Variants in PPP4C observed in about 807,000 individuals in gnomAD.
PPP4C encodes serine/threonine-protein phosphatase 4 catalytic subunit.
Under a neutral mutation model 40.5 loss-of-function variants are expected in PPP4C, and 10 were observed. The observed-to-expected ratio is 0.25, with a 90% confidence interval of 0.15 to 0.42. The LOEUF (loss-of-function observed/expected upper bound fraction) is 0.42. Ranked by LOEUF, PPP4C falls within the 10% of genes least tolerant of loss-of-function variation. The probability of loss-of-function intolerance (pLI) is 1.00; values close to 1 mark genes in which losing one functional copy is unlikely to be tolerated. For synonymous variants in PPP4C, 187 were observed against 163.6 expected, an observed-to-expected ratio of 1.14 and a Z score of -1.09; for missense variants, 191 against 416.4, an observed-to-expected ratio of 0.46 and a Z score of 4.71.
chr16:30,083,175 C>T lies in PPP4C; in HGVS notation c.304-219C>T, dbSNP rs771893802. On this transcript the variant is annotated intron_variant, in intron 5 of 8. Coordinates refer to ENST00000279387, the MANE Select transcript of PPP4C (RefSeq NM_002720.3). The surrounding 1 kb of genome is among the most constrained non-coding windows in gnomAD (Gnocchi z 6.3). ...TGTGTCTGGTAGGTGAAAGAAGAGC[C>T]ATTAGGTTCATAGTTGAGGGAATGG... The T allele has an allele frequency of 3.2e-5, 20 of 619,272 alleles. No homozygotes were observed. Among genetic ancestry groups the T allele is most frequent in the Non-Finnish European group, 4.8e-5 (17 of 353,632 alleles). 38.4% of individuals were successfully genotyped at this position (619,272 alleles called of 1,614,324 possible).
In PPP4C at chr16:30,084,853, C is replaced by T. The variant is rs2072588638; in HGVS notation, c.792C>T (p.Tyr264=). The T allele has an allele frequency of 4.3e-6, 7 of 1,614,002 alleles. No homozygotes were observed. The highest frequency in any genetic ancestry group is 5.1e-6 in the Non-Finnish European group (6 of 1,179,936). Residue 264 remains tyrosine, a splice_region_variant and synonymous_variant, in exon 8 of 9, where the codon TAC becomes TAT. Transcript: ENST00000279387. ...TGTGGTCGGCACCCAACTACTGCTA[C>T]CGGTGAGCCGGCTGGGCCGGGCTGG... ...LTVWSAPNYC[Y]RCGNVAAILE...
chr16:30,076,390 A>G lies in PPP4C; in HGVS notation c.13A>G (p.Ser5Gly), dbSNP rs1477781465. 4 of 1,612,924 alleles carry G rather than the reference A, an allele frequency of 2.5e-6. No individual in the cohort carries two copies. The highest frequency in any genetic ancestry group is 1.7e-5 in the Admixed American group (1 of 59,988). ...CCGGGGGTGGGCCATGGCGGAGATC[A>G]GCGACCTGGACCGGCAGATCGAGCA... MAEISDLDRQIEQLR... is the reference protein window; with the variant it reads MAEIGDLDRQIEQLR... Residue 5 changes from serine (S) to glycine (G), a missense_variant, in exon 2 of 9, where the codon AGC (serine) becomes GGC (glycine). Around this residue, in one of 3 missense-constraint regions of PPP4C, gnomAD observed 171 missense variants for 352.4 expected, o/e 0.49. Transcript: ENST00000279387.
intron 7 of PPP4C, 68 bp from the exon 8 acceptor site, chr16:30,084,598 C>A: frequency 6.7e-7 from 1 of 1,483,722 alleles, no homozygotes; most frequent in African/African-American, 1.4e-5. Context: ...TGCTCACCCT[C>A]AAGGGGCAGC....
At chr16:30,081,103 G>C in intron 2 of PPP4C, 156 bp from the exon 3 acceptor site, 1 of 963,642 alleles carries the variant, frequency 1.0e-6, no homozygotes, top group Non-Finnish European at 1.6e-6. Flanking sequence ...GCATGCTGAA[G>C]GGCCGTGGTC....
At position 30,083,382 on chromosome 16, in the gene PPP4C, G is replaced by T. The variant is rs1292249537; in HGVS notation, c.304-12G>T. ...GTCTAGGCGCCAGCCCTGGCTTGGT[G>T]GCCACCCCCAGGTTCGCTATCCTGA... is the stretch of plus-strand genomic sequence containing the variant. On this transcript the variant is annotated splice_polypyrimidine_tract_variant and intron_variant, in intron 5 of 8. Coordinates refer to ENST00000279387, the MANE Select transcript of PPP4C (RefSeq NM_002720.3). The surrounding 1 kb of genome is among the most constrained non-coding windows in gnomAD (Gnocchi z 6.3). 1 of 1,603,302 alleles carries T rather than the reference G, an allele frequency of 6.2e-7. No individual in the cohort carries two copies. Among genetic ancestry groups the T allele is most frequent in the Non-Finnish European group, 8.5e-7 (1 of 1,173,376 alleles).
chr16:30,083,310 C>T lies in PPP4C; in HGVS notation c.304-84C>T. On this transcript the variant is annotated intron_variant, in intron 5 of 8. Coordinates refer to ENST00000279387, the MANE Select transcript of PPP4C (RefSeq NM_002720.3). This position sits in a 1 kb window ranked among gnomAD's most constrained non-coding sequence, Gnocchi z 6.3. ...TGCTGGGCAGTGGTTGTGAGGATGG[C>T]AGGCTGGCGGGCACGAGGAGGTCAG... The T allele has an allele frequency of 6.8e-7, 1 of 1,464,172 alleles. No homozygotes were observed. Among genetic ancestry groups the T allele is most frequent in the African/African-American group, 1.4e-5 (1 of 72,370 alleles). The allele number at this position is 1,464,172 out of a possible 1,614,324, so 90.7% of individuals were successfully genotyped here. A position where few individuals can be genotyped will look rare whatever the true frequency, so the allele number is the denominator to read the frequency against.
At chr16:30,081,098 C>T in intron 2 of PPP4C, 161 bp from the exon 3 acceptor site, 2 of 925,568 alleles carry the variant, frequency 2.2e-6, no homozygotes, top group Non-Finnish European at 3.4e-6. Flanking sequence ...GTGTTGCATG[C>T]TGAAGGGCCG....
At chr16:30,082,358 T>C (rs2072526714) in intron 3 of PPP4C, 126 bp from the exon 4 acceptor site, 2 of 970,184 alleles carry the variant, frequency 2.1e-6, no homozygotes, top group African/African-American at 1.6e-5. Flanking sequence ...GAGAGGAGAA[T>C]TTTGGTCCTA....
rs2151027669 is a variant in PPP4C at position 30,082,627 on chromosome 16, T to G, written c.201+93T>G. ...GGGAGCCTTAATTTGGGGCGTGGAG[T>G]GGGGGCAAGGGGCCCCAAGTTAGAT... is the stretch of plus-strand genomic sequence containing the variant. On this transcript the variant is annotated intron_variant, in intron 4 of 8. Transcript: ENST00000279387. 3 of 1,551,930 alleles carry G rather than the reference T, an allele frequency of 1.9e-6. No homozygotes were observed. In the Admixed American group the frequency reaches 5.1e-5, roughly 26 times the overall value.
chr16:30,082,321 G>T (rs1219870982), intron 3 of PPP4C, among the ~76,000 whole-genome samples, 163 bp from the exon 4 acceptor site: 1 of 152,182 alleles, frequency 6.6e-6, no homozygotes, highest in African/African-American at 2.4e-5. Flanking sequence ...AGTGGGTATG[G>T]TTCCAGACCA....
intron 2 of PPP4C, 157 bp from the exon 3 acceptor site, chr16:30,081,102 A>G (rs72791228): frequency 1.4e-5 from 13 of 951,022 alleles, no homozygotes; most frequent in Non-Finnish European, 2.1e-5. Flanking sequence ...TGCATGCTGA[A>G]GGGCCGTGGT....
chr16:30,083,614 C>T lies in PPP4C; in HGVS notation c.478-41C>T. 1 of 1,613,892 alleles carries T rather than the reference C, an allele frequency of 6.2e-7. No individual in the cohort carries two copies. Among genetic ancestry groups the T allele is most frequent in the East Asian group, 2.2e-5 (1 of 44,874 alleles). ...TGGGACAGGGAGAGGAGGGGGGCTT[C>T]AGGCCTCAGCCCCGTCCTCTTTCCC... On this transcript the variant is annotated intron_variant, in intron 6 of 8. Coordinates refer to ENST00000279387, the MANE Select transcript of PPP4C (RefSeq NM_002720.3). This position sits in a 1 kb window ranked among gnomAD's most constrained non-coding sequence, Gnocchi z 6.3.
In PPP4C at chr16:30,083,914, G is replaced by C; in HGVS notation, c.604+133G>C. The C allele has an allele frequency of 7.3e-7, 1 of 1,378,918 alleles. No individual in the cohort carries two copies. Among genetic ancestry groups the C allele is most frequent in the Non-Finnish European group, 9.9e-7 (1 of 1,010,324 alleles). The allele number at this position is 1,378,918 out of a possible 1,614,324, so 85.4% of individuals were successfully genotyped here. A position where few individuals can be genotyped will look rare whatever the true frequency, so the allele number is the denominator to read the frequency against. On this transcript the variant is annotated intron_variant, in intron 7 of 8. Coordinates refer to ENST00000279387, the MANE Select transcript of PPP4C (RefSeq NM_002720.3). This position sits in a 1 kb window ranked among gnomAD's most constrained non-coding sequence, Gnocchi z 6.3. ...GGAACCCTGGAGGAGGAGCAGGGAG[G>C]CCTGCATGGCAGGTGCTTTGAGCAC...
chr16:30,078,101 A>C (rs184579278), intron 2 of PPP4C, among the ~76,000 whole-genome samples: 2 of 152,302 alleles, frequency 1.3e-5, no homozygotes, highest in African/African-American at 4.8e-5. Flanking sequence ...TTAACCTCGA[A>C]GTATTGTCTC....
chr16:30,078,490 A>G (rs1432180047), intron 2 of PPP4C, among the ~76,000 whole-genome samples: 1 of 152,168 alleles, frequency 6.6e-6, no homozygotes, highest in Non-Finnish European at 1.5e-5. Flanking sequence ...GAGTGGAACT[A>G]GGAGGTACTA....
intron 3 of PPP4C, among the ~76,000 whole-genome samples, chr16:30,082,248 A>G (rs2072524395): frequency 6.6e-6 from 1 of 152,142 alleles, no homozygotes; most frequent in African/African-American, 2.4e-5. Flanking sequence ...GGGCCGGGAC[A>G]TCTACCTGGA....
Position 30,082,516 on chromosome 16 carries a change from C to T in PPP4C, c.183C>T (p.Asp61=). The T allele has an allele frequency of 1.2e-6, 2 of 1,613,724 alleles. No homozygotes were observed. The highest frequency in any genetic ancestry group is 1.3e-5 in the African/African-American group (1 of 75,000). Residue 61 remains aspartate (D), a synonymous_variant, in exon 4 of 9, where the codon GAC becomes GAT. Coordinates refer to ENST00000279387, the MANE Select transcript of PPP4C (RefSeq NM_002720.3). ...GCGACATCCATGGACAATTCTATGA[C>T]CTCAAAGAGCTGTTCAGAGTAAGAG... ...VCGDIHGQFY[D]LKELFRVGGD... is the part of the protein sequence containing the mutation.
chr16:30,083,893 C>A lies in PPP4C; in HGVS notation c.604+112C>A. The A allele has an allele frequency of 6.7e-7, 1 of 1,498,524 alleles. No homozygotes were observed. The highest frequency in any genetic ancestry group is 9.1e-7 in the Non-Finnish European group (1 of 1,102,750). 92.8% of individuals were successfully genotyped at this position (1,498,524 alleles called of 1,614,324 possible). On this transcript the variant is annotated intron_variant, in intron 7 of 8. Transcript: ENST00000279387. The surrounding 1 kb of genome is among the most constrained non-coding windows in gnomAD (Gnocchi z 6.3). ...TCCTCCACCTGCCAAATGGCTGGAACCCTGGAGGAGGAGCAGGGAGGCCTG... is the reference window on the plus strand; with the variant it reads ...TCCTCCACCTGCCAAATGGCTGGAAACCTGGAGGAGGAGCAGGGAGGCCTG...
At position 30,076,185 on chromosome 16, in the gene PPP4C, A is replaced by G. The variant is rs567045177; in HGVS notation, c.-64+91A>G. 106 of 566,802 alleles carry G rather than the reference A, an allele frequency of 1.9e-4. No homozygotes were observed. The African/African-American group carries it at 2.1e-3, about 11-fold the overall frequency. 35.1% of individuals were successfully genotyped at this position (566,802 alleles called of 1,614,324 possible). ...AGCGGGGGTGCGGCCAGGCCGTTGG[A>G]CGCCGGGGGGTCCTGGGGCCGATGT... On this transcript the variant is annotated intron_variant, in intron 1 of 8. Coordinates refer to ENST00000279387, the MANE Select transcript of PPP4C (RefSeq NM_002720.3).
Sources: gnomAD v4.1 joint callset for allele counts (sites outside exome capture counted in the v4.1 genomes callset) on GRCh38, gnomAD v4.1.1 for gene constraint, gnomAD v4.1.1 regional missense constraint, Gnocchi (gnomAD v3.1) non-coding constraint, MANE v1.5 for transcripts, NCBI Gene and HGNC (gene_info 2026-07-23, HGNC 2026-07-21) for gene names.